PRORP: variants seen among roughly 807,000 people sequenced by gnomAD.
PRORP encodes protein only RNase P catalytic subunit, also known as mitochondrial ribonuclease P catalytic subunit.
Under a neutral mutation model 59.4 loss-of-function variants are expected in PRORP, and 51 were observed. That is an observed-to-expected ratio of 0.86 (90% confidence interval 0.69 to 1.08). The LOEUF is 1.08. PRORP is among the 50% of genes least tolerant of loss of function. The pLI, the probability that PRORP is intolerant of heterozygous loss-of-function variation, is 0.00. For synonymous variants in PRORP, 231 were observed against 245.6 expected, an observed-to-expected ratio of 0.94 and a Z score of 0.55; for missense variants, 646 against 690.3, an observed-to-expected ratio of 0.94 and a Z score of 0.72.
intron 5 of PRORP, among the ~76,000 whole-genome samples, chr14:35,263,406 G>A (rs1566535900): frequency 1.3e-5 from 2 of 152,190 alleles, no homozygotes; most frequent in Admixed American, 6.5e-5. Flanking sequence ...AATATTGGGG[G>A]CTGGGCACGG....
rs547486800 is a variant in PRORP at position 35,244,280 on chromosome 14, A to G, written c.1276-22447A>G. On this transcript the variant is annotated intron_variant, in intron 5 of 7. Transcript: ENST00000534898. Reference sequence around the variant, plus strand: ...CTGGGAAACACAAAGAATTTCCTCCATTAGAGACTAACATTTTAACTTTTT... The same window carrying G: ...CTGGGAAACACAAAGAATTTCCTCCGTTAGAGACTAACATTTTAACTTTTT... Among the ~76,000 whole-genome samples the G allele has an allele frequency of 3.9e-5, 6 of 152,330 alleles. No individual in the cohort carries two copies. In the East Asian group the frequency reaches 9.6e-4, roughly 24 times the overall value.
chr14:35,259,993 G>GTTTTTTT (rs557378360), intron 5 of PRORP, among the ~76,000 whole-genome samples: 14 of 81,294 alleles, frequency 1.7e-4, no homozygotes, highest in Admixed American at 3.7e-4. Flanking sequence ...GGTTTTTCGG[G>GTTTTTTT]TTTTTTTTTT....
At chr14:35,208,314 G>A (rs903160345) in intron 5 of PRORP, among the ~76,000 whole-genome samples, 12 of 152,154 alleles carry the variant, frequency 7.9e-5, no homozygotes, top group African/African-American at 2.9e-4. Context: ...AGTGGTGAGC[G>A]CTTGTAGTCC....
intron 4 of PRORP, among the ~76,000 whole-genome samples, chr14:35,171,425 G>GT (rs780708860): frequency 6.6e-6 from 1 of 152,258 alleles, no homozygotes; most frequent in East Asian, 1.9e-4. Context: ...ATTGAAAGCA[G>GT]TTTTTTGTTG....
Position 35,198,329 on chromosome 14 carries a change from C to T in PRORP, c.1275+17552C>T, listed in dbSNP as rs1466007837. On this transcript the variant is annotated intron_variant, in intron 5 of 7. Transcript: ENST00000534898. Reference sequence around the variant, plus strand: ...ATGTGGGCACTCTGAGTACTATTCACAACATTCTTGTTACGAACCGGTGAA... The same window carrying T: ...ATGTGGGCACTCTGAGTACTATTCATAACATTCTTGTTACGAACCGGTGAA... 3.9e-5 allele frequency among the ~76,000 whole-genome samples: 6 copies of T among 152,312 alleles called. No homozygotes were observed. The East Asian group carries it at 1.2e-3, about 29-fold the overall frequency.
chr14:35,140,362 T>C (rs1239699267), intron 4 of PRORP, among the ~76,000 whole-genome samples: 1 of 145,380 alleles, frequency 6.9e-6, no homozygotes, highest in Non-Finnish European at 1.5e-5. Flanking sequence ...TTAGTATGGT[T>C]AAGGTTAGTC....
chr14:35,230,352 C>T (rs189644289), intron 5 of PRORP, among the ~76,000 whole-genome samples: 12 of 152,272 alleles, frequency 7.9e-5, no homozygotes, highest in Non-Finnish European at 4.4e-5. Context: ...ACGCCCAACC[C>T]ATTACTGTAA....
chr14:35,151,676 A>ACG (rs2047753612), intron 4 of PRORP, among the ~76,000 whole-genome samples: 3 of 147,328 alleles, frequency 2.0e-5, no homozygotes, highest in South Asian at 4.3e-4. Context: ...ACACACACAC[A>ACG]CAGAGCTTTT....
chr14:35,225,562 G>A (rs1179199488), intron 5 of PRORP, among the ~76,000 whole-genome samples: 1 of 151,982 alleles, frequency 6.6e-6, no homozygotes, highest in Non-Finnish European at 1.5e-5. Flanking sequence ...GACCAGGCTG[G>A]TCTCGAACTC....
intron 4 of PRORP, among the ~76,000 whole-genome samples, chr14:35,150,229 C>G (rs1262018041): frequency 6.6e-6 from 1 of 152,188 alleles, no homozygotes; most frequent in Non-Finnish European, 1.5e-5. Flanking sequence ...GAGACTCTTC[C>G]TTTCACTTGA....
rs887866197 is a variant in PRORP at position 35,210,643 on chromosome 14, G to C, written c.1275+29866G>C. Among the ~76,000 whole-genome samples, 3 of 147,724 alleles carry C rather than the reference G, an allele frequency of 2.0e-5. No homozygotes were observed. In the Admixed American group the frequency reaches 2.1e-4, roughly 10 times the overall value. ...CATGCAACTAGCTAGAAATACCTAAGTCACCAAATTTAGATACTAGATAAA... is the reference window on the plus strand; with the variant it reads ...CATGCAACTAGCTAGAAATACCTAACTCACCAAATTTAGATACTAGATAAA... On this transcript the variant is annotated intron_variant, in intron 5 of 7. Transcript: ENST00000534898.
intron 5 of PRORP, among the ~76,000 whole-genome samples, chr14:35,236,331 A>G (rs1380330402): frequency 6.6e-6 from 1 of 151,802 alleles, no homozygotes; most frequent in Non-Finnish European, 1.5e-5. Flanking sequence ...ATTCTCTTGG[A>G]TCTCCATTGC....
At chr14:35,175,366 A>G (rs2139014093) in intron 4 of PRORP, among the ~76,000 whole-genome samples, 1 of 152,078 alleles carries the variant, frequency 6.6e-6, no homozygotes, top group East Asian at 1.9e-4. Context: ...CCAACAGTGT[A>G]AAAGTGTTCT....
chr14:35,205,305 C>T (rs1445381005), intron 5 of PRORP, among the ~76,000 whole-genome samples: 1 of 152,218 alleles, frequency 6.6e-6, no homozygotes, highest in African/African-American at 2.4e-5. Flanking sequence ...CCTCAGCCTC[C>T]TGAGTAGCTG....
At chr14:35,146,535 A>T (rs1320494690) in intron 4 of PRORP, among the ~76,000 whole-genome samples, 1 of 152,110 alleles carries the variant, frequency 6.6e-6, no homozygotes, top group Non-Finnish European at 1.5e-5. Flanking sequence ...GGGTTTGAAG[A>T]TCTTGTCATC....
In PRORP at chr14:35,263,266, G is replaced by C. The variant is rs1055076596; in HGVS notation, c.1276-3461G>C. Reference sequence around the variant, plus strand: ...AAATATGAGCTACTTTATGATGGATGAAAATGGATGTTGGGCATATTCTTC... The same window carrying C: ...AAATATGAGCTACTTTATGATGGATCAAAATGGATGTTGGGCATATTCTTC... On this transcript the variant is annotated intron_variant, in intron 5 of 7. Transcript: ENST00000534898. Among the ~76,000 whole-genome samples, 4 of 152,196 alleles carry C rather than the reference G, an allele frequency of 2.6e-5. No homozygotes were observed. In the East Asian group the frequency reaches 7.7e-4, roughly 29 times the overall value.
Position 35,141,727 on chromosome 14 carries a change from CT to C in PRORP, c.1167+14125del, listed in dbSNP as rs1373181871. On this transcript the variant is annotated intron_variant, in intron 4 of 7. Coordinates refer to ENST00000534898, the MANE Select transcript of PRORP (RefSeq NM_014672.4). ...CTCCATGATTATTAACTCATGACCA[CT>C]TTTTTTTTGACAGGGTCTTGCTCTG... Among the ~76,000 whole-genome samples the C allele has an allele frequency of 4.2e-5, 6 of 143,776 alleles. 1 individual carries two copies. The highest frequency in any genetic ancestry group is 2.9e-4 in the Admixed American group (4 of 13,808). The allele number at this position is 143,776 out of a possible 152,430, so 94.3% of individuals were successfully genotyped here.
At chr14:35,174,061 T>A (rs1415543793) in intron 4 of PRORP, among the ~76,000 whole-genome samples, 1 of 152,148 alleles carries the variant, frequency 6.6e-6, no homozygotes, top group Non-Finnish European at 1.5e-5. Flanking sequence ...TTATCTTTTA[T>A]TTCCTAGCCT....
intron 4 of PRORP, among the ~76,000 whole-genome samples, chr14:35,172,262 T>A (rs1294902436): frequency 2.0e-5 from 3 of 151,964 alleles, no homozygotes; most frequent in Non-Finnish European, 2.9e-5. Flanking sequence ...TTGGCCAGGC[T>A]GGTGTCGAAC....
Sources: allele counts gnomAD v4.1 joint callset (sites outside exome capture counted in the v4.1 genomes callset), GRCh38; gene constraint gnomAD v4.1.1; transcripts MANE v1.5; gene names NCBI Gene and HGNC (gene_info 2026-07-23, HGNC 2026-07-21).